RARB: variants seen among roughly 807,000 people sequenced by gnomAD.
RARB encodes HBV-activated protein.
A neutral mutation model predicts 51.9 loss-of-function variants in RARB; 17 were observed. The observed-to-expected ratio is 0.33, with a 90% confidence interval of 0.22 to 0.49. The LOEUF (loss-of-function observed/expected upper bound fraction) is 0.49, where lower values mean the gene tolerates loss of function less well. Among genes scored for constraint, RARB ranks in the 20% least tolerant of loss-of-function variants. The pLI, the probability that RARB is intolerant of heterozygous loss-of-function variation, is 0.99. For missense variants in RARB, 369 were observed against 550.8 expected, an observed-to-expected ratio of 0.67 and a Z score of 3.30; for synonymous variants, 215 against 195.4, an observed-to-expected ratio of 1.10 and a Z score of -0.84.
intron 5 of RARB, among the ~76,000 whole-genome samples, chr3:25,282,266 C>T (rs1703542304): frequency 6.6e-6 from 1 of 152,306 alleles, no homozygotes; most frequent in East Asian, 1.9e-4. Context: ...ATTCCCCAGT[C>T]ACACTCCCAG....
At chr3:25,083,557 T>C (rs1246013765) in intron 3 of RARB, among the ~76,000 whole-genome samples, 1 of 152,242 alleles carries the variant, frequency 6.6e-6, no homozygotes, top group Non-Finnish European at 1.5e-5. Flanking sequence ...CATCTTTTAT[T>C]TAAACTATTG....
At chr3:24,979,463 G>A (rs925156860) in intron 2 of RARB, among the ~76,000 whole-genome samples, 16 of 152,232 alleles carry the variant, frequency 1.1e-4, no homozygotes, top group African/African-American at 3.1e-4. Context: ...AGCTCTTCTT[G>A]TTGGATTGAT....
At chr3:25,144,893 C>T (rs1389198178) in intron 4 of RARB, among the ~76,000 whole-genome samples, 1 of 152,146 alleles carries the variant, frequency 6.6e-6, no homozygotes, top group Non-Finnish European at 1.5e-5. Context: ...CAGACTCTTG[C>T]CACCTTTAAT....
At chr3:24,882,487 G>A (rs1052861532) in intron 2 of RARB, among the ~76,000 whole-genome samples, 3 of 152,184 alleles carry the variant, frequency 2.0e-5, no homozygotes, top group Admixed American at 6.5e-5. Context: ...ATCAGGAATG[G>A]AACTTGATAA....
intron 2 of RARB, among the ~76,000 whole-genome samples, chr3:24,862,164 ACTG>A (rs780102418): frequency 2.6e-5 from 4 of 152,162 alleles, no homozygotes; most frequent in African/African-American, 7.2e-5. Context: ...GAAGGAAAGA[ACTG>A]CTGCTGCTGA....
intron 5 of RARB, among the ~76,000 whole-genome samples, chr3:25,279,836 T>C (rs1703479412): frequency 6.6e-6 from 1 of 152,136 alleles, no homozygotes; most frequent in Admixed American, 6.5e-5. Context: ...AATATTATAT[T>C]ATACATCCTG....
intron 3 of RARB, among the ~76,000 whole-genome samples, chr3:25,567,296 C>T (rs1178668589): frequency 2.0e-5 from 3 of 152,168 alleles, no homozygotes; most frequent in Admixed American, 2.0e-4. Context: ...TTAGCACTCC[C>T]GATCCTCCCT....
At chr3:25,207,904 A>G (rs184636344) in intron 5 of RARB, among the ~76,000 whole-genome samples, 2 of 152,166 alleles carry the variant, frequency 1.3e-5, no homozygotes, top group African/African-American at 2.4e-5. Context: ...AGGTTGTACA[A>G]GCGTGGTGCT....
At chr3:25,048,497 T>C (rs1295806887) in intron 2 of RARB, among the ~76,000 whole-genome samples, 1 of 152,202 alleles carries the variant, frequency 6.6e-6, no homozygotes, top group Admixed American at 6.5e-5. Context: ...CTTATTTCAT[T>C]ATACAGGTTT....
intron 3 of RARB, among the ~76,000 whole-genome samples, chr3:25,504,420 G>A (rs1158333845): frequency 6.6e-6 from 1 of 152,266 alleles, no homozygotes; most frequent in East Asian, 1.9e-4. Context: ...TTCTGTGAAC[G>A]CATTGCTTTG....
exon 5 of RARB, chr3:25,174,495 T>A: frequency 7.4e-7 from 1 of 1,352,136 alleles, no homozygotes; most frequent in Non-Finnish European, 9.8e-7. Context: ...CCACCTGTCA[T>A]CGGAGGACTT....
intron 2 of RARB, among the ~76,000 whole-genome samples, chr3:24,987,055 CTAATT>C (rs1696809774): frequency 6.6e-6 from 1 of 152,166 alleles, no homozygotes; most frequent in African/African-American, 2.4e-5. Flanking sequence ...AAAAAACAAT[CTAATT>C]TAATCACTTC....
chr3:24,879,790 TTG>T (rs1703121341), intron 2 of RARB, among the ~76,000 whole-genome samples: 1 of 152,208 alleles, frequency 6.6e-6, no homozygotes, highest in Non-Finnish European at 1.5e-5. Context: ...GGAGAGATTT[TTG>T]TCTTTCACTT....
At chr3:25,167,048 C>T (rs1700571997) in intron 4 of RARB, among the ~76,000 whole-genome samples, 1 of 152,158 alleles carries the variant, frequency 6.6e-6, no homozygotes, top group African/African-American at 2.4e-5. Flanking sequence ...TCTCTTGCCA[C>T]AAGGGAATGC....
intron 1 of RARB, among the ~76,000 whole-genome samples, chr3:25,454,151 A>G (rs909797163): frequency 1.3e-5 from 2 of 152,208 alleles, no homozygotes; most frequent in Non-Finnish European, 2.9e-5. Flanking sequence ...TTTTACTAAA[A>G]TGTCTACACA....
At chr3:25,312,881 G>A (rs1027734630) in intron 5 of RARB, among the ~76,000 whole-genome samples, 21 of 152,222 alleles carry the variant, frequency 1.4e-4, no homozygotes, top group African/African-American at 3.9e-4. Context: ...CCCTGTTGCC[G>A]CCAGTCCTGG....
chr3:25,408,240 A>C (rs567623834), intron 5 of RARB, among the ~76,000 whole-genome samples: 1 of 152,170 alleles, frequency 6.6e-6, no homozygotes, highest in East Asian at 1.9e-4. Context: ...TCACACTGCT[A>C]TAAAGAACTA....
At chr3:25,523,090 A>G (rs1258302078) in intron 3 of RARB, among the ~76,000 whole-genome samples, 1 of 152,204 alleles carries the variant, frequency 6.6e-6, no homozygotes, top group African/African-American at 2.4e-5. Flanking sequence ...TTCAACACAC[A>G]GTGGAATCAC....
At chr3:25,211,287 C>T (rs1298555493) in intron 5 of RARB, among the ~76,000 whole-genome samples, 1 of 152,168 alleles carries the variant, frequency 6.6e-6, no homozygotes, top group South Asian at 2.1e-4. Context: ...GAGTGCTGAG[C>T]AGGGGAAAGG....
Sources: gnomAD v4.1 joint callset for allele counts (sites outside exome capture counted in the v4.1 genomes callset) on GRCh38, gnomAD v4.1.1 for gene constraint, MANE v1.5 for transcripts, NCBI Gene and HGNC (gene_info 2026-07-23, HGNC 2026-07-21) for gene names.